The following ST8SIA3 variants were observed in gnomAD, a reference collection of about 807,000 sequenced individuals.
The protein encoded by ST8SIA3 is alpha-N-acetylneuraminate alpha-2,8-sialyltransferase ST8SIA3.
In ST8SIA3, 17 loss-of-function variants were observed where a neutral mutation model predicts 34.5. The observed-to-expected ratio is 0.49, with a 90% CI of 0.34 to 0.74. ST8SIA3 has a LOEUF of 0.74. ST8SIA3 is among the 30% of genes least tolerant of loss of function. The pLI, the probability that ST8SIA3 is intolerant of heterozygous loss-of-function variation, is 0.01. For missense variants in ST8SIA3, 354 were observed against 467.8 expected, an observed-to-expected ratio of 0.76 and a Z score of 2.24; for synonymous variants, 172 against 176.1, an observed-to-expected ratio of 0.98 and a Z score of 0.19.
chr18:57,353,495 T>G (rs1458164181), intron 1 of ST8SIA3, among the ~76,000 whole-genome samples: 1 of 152,136 alleles, frequency 6.6e-6, no homozygotes, highest in Non-Finnish European at 1.5e-5. Context: ...CCTCCTCCTT[T>G]ACTCCCCCAC....
intron 3 of ST8SIA3, 46 bp downstream of exon 3, chr18:57,357,516 A>G (rs1382882616): frequency 2.7e-6 from 4 of 1,470,792 alleles, no homozygotes; most frequent in Non-Finnish European, 2.8e-6. Context: ...CCAGATGGCA[A>G]ATCAATGTTG....
chr18:57,358,738 A>C (rs530433018), intron 3 of ST8SIA3, among the ~76,000 whole-genome samples: 78 of 152,334 alleles, frequency 5.1e-4, no homozygotes, highest in African/African-American at 1.8e-3. Context: ...ACTGAGGTAC[A>C]AGGAGCAGAA....
rs189724583 is a variant in ST8SIA3, at chr18:57,358,133, A to G, written c.860+663A>G. On this transcript the variant is annotated intron_variant, in intron 3 of 3. Coordinates refer to ENST00000324000, the MANE Select transcript of ST8SIA3 (RefSeq NM_015879.3). ...ATACTATTGTCTAGGCTCTGCCTCA[A>G]GAGATCCTAATGTAAATTATCTGGT... is the stretch of plus-strand genomic sequence containing the variant. 2.6e-3 allele frequency among the ~76,000 whole-genome samples: 392 copies of G among 152,330 alleles called. 5 individuals are homozygous for G. Among genetic ancestry groups the G allele is most frequent in the Middle Eastern group, 3.4e-3 (1 of 294 alleles).
At chr18:57,355,709 A>G (rs928232467) in intron 2 of ST8SIA3, among the ~76,000 whole-genome samples, 7 of 152,202 alleles carry the variant, frequency 4.6e-5, no homozygotes, top group Non-Finnish European at 7.4e-5. Flanking sequence ...TTCTAACTCA[A>G]TAAAAAATAT....
Position 57,357,089 on chromosome 18 carries a change from A to G in ST8SIA3, c.479A>G (p.Asn160Ser). The G allele has an allele frequency of 6.2e-7, 1 of 1,614,086 alleles. No individual in the cohort carries two copies. Among genetic ancestry groups the G allele is most frequent in the Non-Finnish European group, 8.5e-7 (1 of 1,179,982 alleles). ...DVSPIMNKHY[N>S]ICAVVGNSGI... ...TCACCCATTATGAACAAGCATTATA[A>G]TATTTGTGCTGTGGTTGGAAATAGT... The change falls in exon 3 of 4, where the codon AAT (asparagine) becomes AGT (serine). Residue 160 changes from asparagine to serine, a missense_variant. Asn to Ser is a conservative substitution (Grantham distance 46). Transcript: ENST00000324000.
chr18:57,363,200 A>C lies in ST8SIA3; in HGVS notation c.*2923A>C, dbSNP rs2049841586. ...CAACACAAAAAACCAATTAAGTTGC[A>C]GAGGGGGGAAATAATCACAAACTTT... On this transcript the variant is annotated 3_prime_UTR_variant, in exon 4 of 4. Coordinates refer to ENST00000324000, the MANE Select transcript of ST8SIA3 (RefSeq NM_015879.3). 1 of 152,198 alleles carries C rather than the reference A, an allele frequency of 6.6e-6. No individual in the cohort carries two copies. The highest frequency in any genetic ancestry group is 1.5e-5 in the Non-Finnish European group (1 of 68,038). The allele number at this position is 152,198 out of a possible 1,614,324, so 9.4% of individuals were successfully genotyped here.
At position 57,363,207 on chromosome 18, in the gene ST8SIA3, G is replaced by A. The variant is rs1291456858; in HGVS notation, c.*2930G>A. 1.3e-5 allele frequency: 2 copies of A among 152,136 alleles called. No homozygotes were observed. Among genetic ancestry groups the A allele is most frequent in the Admixed American group, 1.3e-4 (2 of 15,274 alleles). The allele number at this position is 152,136 out of a possible 1,614,324, so 9.4% of individuals were successfully genotyped here. A position where few individuals can be genotyped will look rare whatever the true frequency, so the allele number is the denominator to read the frequency against. Reference sequence around the variant, plus strand: ...AAAAACCAATTAAGTTGCAGAGGGGGGAAATAATCACAAACTTTTGGCAAC... The same window carrying A: ...AAAAACCAATTAAGTTGCAGAGGGGAGAAATAATCACAAACTTTTGGCAAC... On this transcript the variant is annotated 3_prime_UTR_variant, in exon 4 of 4. Transcript: ENST00000324000.
In ST8SIA3 at chr18:57,367,024, T is replaced by C. The variant is rs570074763; in HGVS notation, c.*6747T>C. ...GCTTTGTTTGCAAATTGCAAATTTT[T>C]CTGGTAGAAGTCATTCTTAGGTGGG... On this transcript the variant is annotated 3_prime_UTR_variant, in exon 4 of 4. Transcript: ENST00000324000. The C allele has an allele frequency of 6.6e-6, 1 of 152,332 alleles. No homozygotes were observed. The highest frequency in any genetic ancestry group is 6.5e-5 in the Admixed American group (1 of 15,308). The allele number at this position is 152,332 out of a possible 1,614,324, so 9.4% of individuals were successfully genotyped here.
At position 57,360,228 on chromosome 18, in the gene ST8SIA3, G is replaced by A. The variant is rs1000180448; in HGVS notation, c.1094G>A (p.Arg365Gln). ...QLPAEFQLLY[R>Q]MHGEGLTKLT... ...CCTGCTGAGTTTCAGCTGCTGTACC[G>A]AATGCATGGGGAAGGGCTCACCAAG... The change falls in exon 4 of 4, where the codon CGA becomes CAA. Residue 365 changes from arginine (R) to glutamine (Q), a missense_variant. Around this residue, in one of 3 missense-constraint regions of ST8SIA3, gnomAD observed 166 missense variants for 245.2 expected, o/e 0.68. Coordinates refer to ENST00000324000, the MANE Select transcript of ST8SIA3 (RefSeq NM_015879.3). 4 of 1,614,066 alleles carry A rather than the reference G, an allele frequency of 2.5e-6. No individual in the cohort carries two copies. The highest frequency in any genetic ancestry group is 1.3e-5 in the African/African-American group (1 of 75,052).
intron 3 of ST8SIA3, among the ~76,000 whole-genome samples, chr18:57,358,588 T>C (rs986067747): frequency 6.6e-6 from 1 of 152,184 alleles, no homozygotes; most frequent in African/African-American, 2.4e-5. Context: ...AACTGGAACA[T>C]TTTCTTTGAG....
At chr18:57,353,971 C>T (rs1233554256) in intron 1 of ST8SIA3, among the ~76,000 whole-genome samples, 1 of 152,334 alleles carries the variant, frequency 6.6e-6, no homozygotes, top group African/African-American at 2.4e-5. Context: ...AAGGCAGGAA[C>T]CACCCCCAGA....
rs181182661 is a variant in ST8SIA3, at chr18:57,366,323, A to G, written c.*6046A>G. On this transcript the variant is annotated 3_prime_UTR_variant, in exon 4 of 4. Transcript: ENST00000324000. Reference sequence around the variant, plus strand: ...TGTTCAAATATTCCACGTGACTCTTAGGAACCTCTCAACAGACTCCCCAGT... The same window carrying G: ...TGTTCAAATATTCCACGTGACTCTTGGGAACCTCTCAACAGACTCCCCAGT... 1 of 152,730 alleles carries G rather than the reference A, an allele frequency of 6.5e-6. No homozygotes were observed. The highest frequency in any genetic ancestry group is 1.9e-4 in the East Asian group (1 of 5,190). The allele number at this position is 152,730 out of a possible 1,614,324, so 9.5% of individuals were successfully genotyped here.
rs1412827943 is a variant in ST8SIA3 at position 57,366,920 on chromosome 18, G to A, written c.*6643G>A. The A allele has an allele frequency of 6.6e-6, 1 of 152,236 alleles. No individual in the cohort carries two copies. The highest frequency in any genetic ancestry group is 6.5e-5 in the Admixed American group (1 of 15,288). 9.4% of individuals were successfully genotyped at this position (152,236 alleles called of 1,614,324 possible). On this transcript the variant is annotated 3_prime_UTR_variant, in exon 4 of 4. Transcript: ENST00000324000. ...CCTGGCATTGAGCAATAGAGCAACT[G>A]TCCTTTCTCACCACTAGTTGTGAGT...
intron 1 of ST8SIA3, among the ~76,000 whole-genome samples, 192 bp from the exon 2 acceptor site, chr18:57,354,210 G>C (rs368476323): frequency 6.6e-6 from 1 of 152,326 alleles, no homozygotes; most frequent in East Asian, 1.9e-4. Flanking sequence ...TGCAGATGGG[G>C]TTCCCTAGTT....
At position 57,352,803 on chromosome 18, in the gene ST8SIA3, A is replaced by G. The variant is rs781580266; in HGVS notation, c.-44A>G. 9.0e-6 allele frequency: 14 copies of G among 1,559,214 alleles called. No homozygotes were observed. The highest frequency in any genetic ancestry group is 4.1e-5 in the African/African-American group (3 of 73,396). On this transcript the variant is annotated 5_prime_UTR_variant, in exon 1 of 4. It removes an upstream start codon present in the reference 5' UTR. Transcript: ENST00000324000. ...ACGCCAGCGAGCTGCTGGCCGCTCA[A>G]TGGACCGATTTCCCCGGTTTCCCTG...
Position 57,366,169 on chromosome 18 carries a change from G to C in ST8SIA3, c.*5892G>C, listed in dbSNP as rs1479649762. 6.6e-6 allele frequency: 1 copy of C among 152,210 alleles called. No homozygotes were observed. Among genetic ancestry groups the C allele is most frequent in the Non-Finnish European group, 1.5e-5 (1 of 68,040 alleles). 9.4% of individuals were successfully genotyped at this position (152,210 alleles called of 1,614,324 possible). On this transcript the variant is annotated 3_prime_UTR_variant, in exon 4 of 4. Coordinates refer to ENST00000324000, the MANE Select transcript of ST8SIA3 (RefSeq NM_015879.3). ...GCCTGAACAATTTTTAAGTCAGTGA[G>C]TACCAAATAGGAGAGGCTAGCAGAG...
In ST8SIA3 at chr18:57,354,531, T is replaced by C; in HGVS notation, c.302+7T>C. 3 of 1,613,880 alleles carry C rather than the reference T, an allele frequency of 1.9e-6. No individual in the cohort carries two copies. Among genetic ancestry groups the C allele is most frequent in the Non-Finnish European group, 2.5e-6 (3 of 1,179,822 alleles). On this transcript the variant is annotated splice_region_variant and intron_variant, in intron 2 of 3. Transcript: ENST00000324000. ...CAGCGTTTTTACATCAAAGGTAGGA[T>C]AGGAGGAAAAGATCCAAAAGGTGCT...
Position 57,352,842 on chromosome 18 carries a change from C to A in ST8SIA3, c.-5C>A, listed in dbSNP as rs375416977. On this transcript the variant is annotated 5_prime_UTR_variant, in exon 1 of 4. Transcript: ENST00000324000. ...CCGGTTTCCCTGAACCCAGCCCAGC[C>A]CGGGATGAGAAACTGCAAAATGGCC... 131 of 1,613,166 alleles carry A rather than the reference C, an allele frequency of 8.1e-5. No homozygotes were observed. The highest frequency in any genetic ancestry group is 1.1e-4 in the Non-Finnish European group (124 of 1,179,930).
At chr18:57,353,266 C>T (rs1033415813) in intron 1 of ST8SIA3, among the ~76,000 whole-genome samples, 1 of 152,130 alleles carries the variant, frequency 6.6e-6, no homozygotes, top group Non-Finnish European at 1.5e-5. Context: ...TATTCTTCCT[C>T]AGCATCCCTT....
Sources: gnomAD v4.1 joint callset for allele counts (sites outside exome capture counted in the v4.1 genomes callset) on GRCh38, gnomAD v4.1.1 for gene constraint, gnomAD v4.1.1 regional missense constraint, MANE v1.5 for transcripts, NCBI Gene and HGNC (gene_info 2026-07-23, HGNC 2026-07-21) for gene names.